VPS13A: variants seen among roughly 807,000 people sequenced by gnomAD.
VPS13A encodes intermembrane lipid transfer protein VPS13A.
In VPS13A, 264 loss-of-function variants were observed where a neutral mutation model predicts 390.9. The observed-to-expected ratio is 0.68, with a 90% CI of 0.61 to 0.75. The LOEUF (loss-of-function observed/expected upper bound fraction) is 0.75, where lower values mean the gene tolerates loss of function less well. Among genes scored for constraint, VPS13A ranks in the 30% least tolerant of loss-of-function variants. The probability of loss-of-function intolerance (pLI) is 0.00; values close to 1 mark genes in which losing one functional copy is unlikely to be tolerated. For missense variants in VPS13A, 3,409 were observed against 3,733.9 expected, an observed-to-expected ratio of 0.91 and a Z score of 2.27; for synonymous variants, 1,231 against 1,227.1, an observed-to-expected ratio of 1.00 and a Z score of -0.07.
Position 77,339,878 on chromosome 9 carries a change from T to C in VPS13A, c.6741T>C (p.Ser2247=), listed in dbSNP as rs772517163. The change falls in exon 48 of 72, where the codon TCT becomes TCC. Residue 2247 remains serine, a synonymous_variant. Coordinates refer to ENST00000360280, the MANE Select transcript of VPS13A (RefSeq NM_033305.3). ...ATTATAAAAAGCCAGTTCTCTTTTC[T>C]TTTCAGCCAAATCACTTTTTTAATA... The part of the protein sequence containing the change: ...PPNYKKPVLF[S]FQPNHFFNNN... 3 of 1,612,818 alleles carry C rather than the reference T, an allele frequency of 1.9e-6. No individual in the cohort carries two copies. The South Asian group carries it at 3.3e-5, about 18-fold the overall frequency.
intron 51 of VPS13A, 40 bp from the exon 52 acceptor site, chr9:77,344,969 A>T (rs770094243): frequency 6.3e-7 from 1 of 1,598,622 alleles, no homozygotes; most frequent in Non-Finnish European, 8.5e-7. Flanking sequence ...ATTCTTGGGA[A>T]AATGATTACA....
chr9:77,275,957 A>G (rs544676299), intron 25 of VPS13A, 108 bp from the exon 26 acceptor site: 1 of 1,161,760 alleles, frequency 8.6e-7, no homozygotes, highest in East Asian at 2.5e-5. Flanking sequence ...ATTTTAAATA[A>G]TAATATATCA....
At chr9:77,235,557 T>G (rs1824095896) in intron 17 of VPS13A, among the ~76,000 whole-genome samples, 1 of 152,204 alleles carries the variant, frequency 6.6e-6, no homozygotes, top group Non-Finnish European at 1.5e-5. Context: ...TCTTTGAGCT[T>G]CTTGGATGTA....
At chr9:77,200,807 T>G (rs1038418755) in intron 2 of VPS13A, among the ~76,000 whole-genome samples, 2 of 152,206 alleles carry the variant, frequency 1.3e-5, no homozygotes, top group African/African-American at 4.8e-5. Context: ...TTATGTTTTC[T>G]TCTAAGAGTT....
chr9:77,246,105 C>A (rs1312193285), intron 19 of VPS13A, among the ~76,000 whole-genome samples: 1 of 152,154 alleles, frequency 6.6e-6, no homozygotes, highest in Non-Finnish European at 1.5e-5. Context: ...AGGGTCCCAC[C>A]TCCAGCATTA....
intron 67 of VPS13A, among the ~76,000 whole-genome samples, chr9:77,379,632 G>A (rs1207538955): frequency 3.3e-5 from 5 of 150,900 alleles, no homozygotes; most frequent in Non-Finnish European, 3.0e-5. Context: ...CCTCGGCCTC[G>A]CAAAGTGCTG....
Position 77,216,834 on chromosome 9 carries a change from G to C in VPS13A, c.754+2448G>C, listed in dbSNP as rs1191211921. On this transcript the variant is annotated intron_variant, in intron 10 of 71. Transcript: ENST00000360280. ...TGAAGAATTTGGAGTTTGAGAAGAA[G>C]AATTTGAATGTTTGAGGGCAGGAAG... Among the ~76,000 whole-genome samples the C allele has an allele frequency of 2.0e-5, 3 of 152,168 alleles. No homozygotes were observed. In the East Asian group the frequency reaches 5.8e-4, roughly 29 times the overall value.
chr9:77,232,590 G>A (rs1823898796), intron 17 of VPS13A, among the ~76,000 whole-genome samples: 1 of 152,116 alleles, frequency 6.6e-6, no homozygotes, highest in Non-Finnish European at 1.5e-5. Context: ...AAGGAGAGAG[G>A]TTTAATTGAC....
intron 26 of VPS13A, 100 bp from the exon 27 acceptor site, chr9:77,280,058 AG>A: frequency 1.2e-6 from 1 of 861,606 alleles, no homozygotes; most frequent in South Asian, 1.5e-5. Context: ...GAACTCATAT[AG>A]GAAAGCCTTC....
chr9:77,359,299 A>C (rs373382293), intron 57 of VPS13A, 34 bp from the exon 58 acceptor site: 2 of 1,584,996 alleles, frequency 1.3e-6, no homozygotes, highest in East Asian at 2.2e-5. Context: ...TGCTTAAAGC[A>C]TCATGGGAGT....
At chr9:77,188,878 G>T (rs1432520044) in intron 1 of VPS13A, among the ~76,000 whole-genome samples, 1 of 149,298 alleles carries the variant, frequency 6.7e-6, no homozygotes, top group Non-Finnish European at 1.5e-5. Context: ...GTGATGTTGA[G>T]TTTTTTTTTT....
chr9:77,205,554 T>C, intron 4 of VPS13A, 146 bp downstream of exon 4: 2 of 349,806 alleles, frequency 5.7e-6, no homozygotes, highest in Non-Finnish European at 1.0e-5. Flanking sequence ...TGGTTTTTAC[T>C]CTACATTTTT....
At chr9:77,390,210 C>G (rs115532819) in intron 68 of VPS13A, 3 of 717,838 alleles carry the variant, frequency 4.2e-6, no homozygotes, top group Non-Finnish European at 5.1e-6. Flanking sequence ...CTCTTCCTCT[C>G]CAGAAGGATA....
At chr9:77,310,430 T>A (rs977271281) in intron 35 of VPS13A, among the ~76,000 whole-genome samples, 2 of 152,198 alleles carry the variant, frequency 1.3e-5, no homozygotes, top group Non-Finnish European at 2.9e-5. Flanking sequence ...ATATAACTGA[T>A]ACAGACAGGA....
intron 68 of VPS13A, chr9:77,385,199 G>A: frequency 1.1e-6 from 1 of 906,950 alleles, no homozygotes; most frequent in African/African-American, 1.8e-5. Context: ...AAAGGAGTGT[G>A]AATTTGTTGT....
intron 60 of VPS13A, among the ~76,000 whole-genome samples, chr9:77,366,428 CT>C (rs1296250043): frequency 2.6e-5 from 4 of 151,966 alleles, no homozygotes; most frequent in African/African-American, 9.7e-5. Context: ...ACAGCTTCAA[CT>C]TTTAGATTTT....
intron 1 of VPS13A, among the ~76,000 whole-genome samples, chr9:77,189,955 A>T (rs1261847153): frequency 1.3e-5 from 2 of 152,184 alleles, no homozygotes; most frequent in Non-Finnish European, 2.9e-5. Flanking sequence ...TTGATTTTGT[A>T]TCCTGAAAGT....
At chr9:77,226,698 T>G in intron 15 of VPS13A, 100 bp downstream of exon 15, 2 of 1,015,274 alleles carry the variant, frequency 2.0e-6, no homozygotes, top group South Asian at 4.3e-5. Context: ...TGAAATATAT[T>G]TATTTAATTA....
At chr9:77,398,451 TCA>T (rs1834209027) in intron 68 of VPS13A, among the ~76,000 whole-genome samples, 2 of 152,192 alleles carry the variant, frequency 1.3e-5, no homozygotes, top group Non-Finnish European at 2.9e-5. Context: ...TTACTGATCC[TCA>T]GTTTCTTTGT....
Sources: gnomAD v4.1 joint callset for allele counts (sites outside exome capture counted in the v4.1 genomes callset) on GRCh38, gnomAD v4.1.1 for gene constraint, MANE v1.5 for transcripts, NCBI Gene and HGNC (gene_info 2026-07-23, HGNC 2026-07-21) for gene names.